EP400: variants seen among roughly 807,000 people sequenced by gnomAD.
EP400 encodes E1A binding protein p400.
EP400 carries 105 observed loss-of-function variants against 354.1 expected under a neutral mutation model. The observed-to-expected ratio is 0.30, with a 90% CI of 0.25 to 0.35. The LOEUF is 0.35. Among genes scored for constraint, EP400 ranks in the 10% least tolerant of loss-of-function variants. The pLI is 1.00. For missense variants in EP400, 3,280 were observed against 4,121.0 expected (o/e 0.80, Z 5.59); for synonymous variants, 1,646 against 1,716.9 (o/e 0.96, Z 1.02).
In EP400 at chr12:132,079,773, C is replaced by G. The variant is rs182308896; in HGVS notation, c.*2100C>G. The stretch of plus-strand genomic sequence containing the variant: ...ACGTCAGTGAGGGTCTCCTGTCTCT[C>G]AAGTGTGTTTCCTTTGGCTGTTCCC... On this transcript the variant is annotated 3_prime_UTR_variant, in exon 53 of 53. Coordinates refer to ENST00000389561, the MANE Select transcript of EP400 (RefSeq NM_015409.5). 6.6e-6 allele frequency: 1 copy of G among 152,374 alleles called. No individual in the cohort carries two copies. The highest frequency in any genetic ancestry group is 1.9e-4 in the East Asian group (1 of 5,190). The allele number at this position is 152,374 out of a possible 1,614,324, so 9.4% of individuals were successfully genotyped here. A position where few individuals can be genotyped will look rare whatever the true frequency, so the allele number is the denominator to read the frequency against.
At position 131,977,238 on chromosome 12, in the gene EP400, G is replaced by A. The variant is rs540030341; in HGVS notation, c.1336-2456G>A. 2.0e-4 allele frequency among the ~76,000 whole-genome samples: 31 copies of A among 152,124 alleles called. 1 individual carries two copies. The highest frequency in any genetic ancestry group is 6.0e-4 in the African/African-American group (25 of 41,502). Reference sequence around the variant, plus strand: ...TGCAAGCTCTGCCTCCCGGGTTCACGCCATTTTCCTGCTTCAGCCTCCCGA... The same window carrying A: ...TGCAAGCTCTGCCTCCCGGGTTCACACCATTTTCCTGCTTCAGCCTCCCGA... On this transcript the variant is annotated intron_variant, in intron 2 of 52. Transcript: ENST00000389561.
chr12:132,027,148 G>T lies in EP400; in HGVS notation c.5015-289G>T, dbSNP rs1320837694. Among the ~76,000 whole-genome samples, 15 of 152,326 alleles carry T rather than the reference G, an allele frequency of 9.8e-5. No individual in the cohort carries two copies. The highest frequency in any genetic ancestry group is 1.8e-4 in the Non-Finnish European group (12 of 68,030). ...AGGTGTGCTGGGATGCTTCTGGGTG[G>T]CTCTGGAGTGCCTCCCAAAAGAAAG... On this transcript the variant is annotated intron_variant, in intron 25 of 52. Transcript: ENST00000389561. This position sits in a 1 kb window ranked among gnomAD's most constrained non-coding sequence, Gnocchi z 4.9.
intron 2 of EP400, among the ~76,000 whole-genome samples, chr12:131,976,965 C>T (rs1892498854): frequency 6.6e-6 from 1 of 152,174 alleles, no homozygotes. Flanking sequence ...TTCCATAGAG[C>T]ACAGACTGGG....
intron 50 of EP400, chr12:132,069,075 G>C (rs556652459): frequency 3.5e-4 from 62 of 175,362 alleles, no homozygotes; most frequent in African/African-American, 1.4e-3. Context: ...GTGCATACCA[G>C]TTTGTTACCC....
intron 47 of EP400, among the ~76,000 whole-genome samples, chr12:132,063,731 C>T (rs866422063): frequency 1.2e-4 from 19 of 152,014 alleles, no homozygotes; most frequent in African/African-American, 2.9e-4. Context: ...CTGGGGCTGT[C>T]GGGAGGGCTG....
intron 2 of EP400, among the ~76,000 whole-genome samples, chr12:131,973,890 T>C (rs1892380396): frequency 6.6e-6 from 1 of 152,222 alleles, no homozygotes; most frequent in Non-Finnish European, 1.5e-5. Flanking sequence ...GAGCATTTTT[T>C]TCAGTGATTA....
intron 2 of EP400, among the ~76,000 whole-genome samples, chr12:131,964,877 C>G (rs767870701): frequency 1.3e-5 from 2 of 152,232 alleles, no homozygotes; most frequent in Admixed American, 1.3e-4. Flanking sequence ...AATTTCATCT[C>G]TTGTCTCAAG....
chr12:131,964,352 G>C (rs1194689908), intron 2 of EP400, among the ~76,000 whole-genome samples: 1 of 151,972 alleles, frequency 6.6e-6, no homozygotes, highest in Non-Finnish European at 1.5e-5. Context: ...CTATAATCCC[G>C]GCTACTCAGG....
intron 11 of EP400, among the ~76,000 whole-genome samples, chr12:131,993,692 C>T (rs1290270570): frequency 2.6e-5 from 4 of 152,178 alleles, no homozygotes; most frequent in East Asian, 1.9e-4. Context: ...CCTGTGCCTC[C>T]GGCTACAAAC....
At chr12:132,022,884 G>A (rs1894166942) in intron 23 of EP400, among the ~76,000 whole-genome samples, 1 of 152,038 alleles carries the variant, frequency 6.6e-6, no homozygotes, top group African/African-American at 2.4e-5. Context: ...AGGCTGCAGT[G>A]AGCTATAATC....
In EP400 at chr12:132,044,732, C is replaced by G; in HGVS notation, c.6630+17C>G. On this transcript the variant is annotated intron_variant, in intron 36 of 52. Transcript: ENST00000389561. ...GTCATGCCGGTGAGTGCTGCCCTCT[C>G]CCTTTGTGTCTGTGTGGGCAGCTTC... 4 of 1,614,172 alleles carry G rather than the reference C, an allele frequency of 2.5e-6. No homozygotes were observed. The highest frequency in any genetic ancestry group is 2.7e-5 in the African/African-American group (2 of 75,036).
At chr12:131,972,152 CTTTTTCTT>C (rs760591236) in intron 2 of EP400, among the ~76,000 whole-genome samples, 1 of 149,244 alleles carries the variant, frequency 6.7e-6, no homozygotes, top group Non-Finnish European at 1.5e-5. Context: ...TTTTCTTTTT[CTTTTTCTT>C]TTTTTTTTTT....
At chr12:131,966,553 A>C (rs1231184200) in intron 2 of EP400, among the ~76,000 whole-genome samples, 2 of 111,678 alleles carry the variant, frequency 1.8e-5, no homozygotes, top group Non-Finnish European at 3.4e-5. Context: ...ACAGAGTGAT[A>C]CCCTACCTCA....
chr12:131,956,714 A>C (rs541444961), intron 1 of EP400, among the ~76,000 whole-genome samples: 1 of 152,202 alleles, frequency 6.6e-6, no homozygotes, highest in South Asian at 2.1e-4. Flanking sequence ...TAGCAGGATT[A>C]GTGGAGTGCC....
At position 132,021,245 on chromosome 12, in the gene EP400, C is replaced by G; in HGVS notation, c.4614C>G (p.Ala1538=). Residue 1538 remains alanine (A), a synonymous_variant, in exon 23 of 53, where the codon GCC becomes GCG. Transcript: ENST00000389561. ...TPGQPPPQPQ[A]PSHAAGQSAL... is the part of the protein sequence containing the mutation. The stretch of plus-strand genomic sequence containing the variant: ...GCCAGCCCCCGCCCCAGCCCCAGGC[C>G]CCCTCGCACGCGGCCGGGCAGAGCG... 1 of 1,552,426 alleles carries G rather than the reference C, an allele frequency of 6.4e-7. No individual in the cohort carries two copies. The highest frequency in any genetic ancestry group is 1.9e-5 in the Admixed American group (1 of 52,680).
chr12:132,017,428 TCTG>T lies in EP400; in HGVS notation c.3924-104_3924-102del. The T allele has an allele frequency of 8.1e-7, 1 of 1,238,106 alleles. No homozygotes were observed. Among genetic ancestry groups the T allele is most frequent in the South Asian group, 1.4e-5 (1 of 69,914 alleles). 76.7% of individuals were successfully genotyped at this position (1,238,106 alleles called of 1,614,324 possible). A position where few individuals can be genotyped will look rare whatever the true frequency, so the allele number is the denominator to read the frequency against. On this transcript the variant is annotated intron_variant, in intron 19 of 52. Transcript: ENST00000389561. The surrounding 1 kb of genome is among the most constrained non-coding windows in gnomAD (Gnocchi z 5.0). ...TAACTCATTAAGCGGACCTAGAAAA[TCTG>T]CTCCTGCCTGCCTTTCTGGAGTTGG...
chr12:132,028,581 CT>C (rs1252681175), intron 27 of EP400, among the ~76,000 whole-genome samples: 1 of 152,222 alleles, frequency 6.6e-6, no homozygotes, highest in African/African-American at 2.4e-5. Context: ...TTGCTAAGGA[CT>C]TTCTCCATTT....
Position 131,961,621 on chromosome 12 carries a change from C to T in EP400, c.1002C>T (p.Leu334=), listed in dbSNP as rs766583462. ...CCGTGCCCCCAGGCCTTTCCAGCCT[C>T]CCACTCACGTCTGTGGGGAACACGG... ...RTAVPPGLSS[L]PLTSVGNTGM... is the part of the protein sequence containing the mutation. Residue 334 remains leucine (L), a synonymous_variant, in exon 2 of 53, where the codon CTC becomes CTT. Coordinates refer to ENST00000389561, the MANE Select transcript of EP400 (RefSeq NM_015409.5). 27 of 1,586,698 alleles carry T rather than the reference C, an allele frequency of 1.7e-5. No homozygotes were observed. The South Asian group carries it at 1.9e-4, about 11-fold the overall frequency.
intron 1 of EP400, among the ~76,000 whole-genome samples, chr12:131,951,591 C>A (rs942838074): frequency 2.6e-5 from 4 of 152,102 alleles, no homozygotes; most frequent in African/African-American, 9.7e-5. Flanking sequence ...AAAATAATTT[C>A]TGTAATTATT....
Sources: gnomAD v4.1 joint callset for allele counts (sites outside exome capture counted in the v4.1 genomes callset) on GRCh38, gnomAD v4.1.1 for gene constraint, Gnocchi (gnomAD v3.1) non-coding constraint, MANE v1.5 for transcripts, NCBI Gene and HGNC (gene_info 2026-07-23, HGNC 2026-07-21) for gene names.